AGAP3: variants seen among roughly 807,000 people sequenced by gnomAD.
The protein encoded by AGAP3 is arf-GAP with GTPase, ANK repeat and PH domain-containing protein 3.
AGAP3 carries 24 observed loss-of-function variants against 96.9 expected under a neutral mutation model. The observed-to-expected ratio is 0.25, with a 90% CI of 0.18 to 0.35. The LOEUF (loss-of-function observed/expected upper bound fraction) is 0.35, where lower values mean the gene tolerates loss of function less well. AGAP3 is among the 10% of genes least tolerant of loss of function. The probability of loss-of-function intolerance (pLI) is 1.00; values close to 1 mark genes in which losing one functional copy is unlikely to be tolerated. For missense variants in AGAP3, 876 were observed against 1,254.2 expected (o/e 0.70, Z 4.55); for synonymous variants, 563 against 536.1 (o/e 1.05, Z -0.69).
rs752093932 is a variant in AGAP3, at chr7:151,117,151, G to A, written c.447G>A (p.Thr149=). 72 of 1,613,976 alleles carry A rather than the reference G, an allele frequency of 4.5e-5. No individual in the cohort carries two copies. The highest frequency in any genetic ancestry group is 1.5e-4 in the African/African-American group (11 of 74,926). The change falls in exon 3 of 18, where the codon ACG becomes ACA. Residue 149 remains threonine, a synonymous_variant. Transcript: ENST00000397238. ...GKSALVHRYL[T]GTYVQEESPE... ...CAGCCCTGGTGCACCGCTATCTGAC[G>A]GGGACCTATGTCCAGGAGGAGTCCC...
intron 11 of AGAP3, among the ~76,000 whole-genome samples, chr7:151,137,399 C>G (rs1414609722): frequency 6.6e-6 from 1 of 152,244 alleles, no homozygotes; most frequent in Non-Finnish European, 1.5e-5. Context: ...GTTGGGTGGA[C>G]TGAAGAAGGG....
At position 151,141,891 on chromosome 7, in the gene AGAP3, C is replaced by T. The variant is rs745660316; in HGVS notation, c.1805-7C>T. ...GAGCCCTGATGGCATAAACACCCCC[C>T]CAACAGAGGCAGAGGAGTCGTTTGA... On this transcript the variant is annotated splice_polypyrimidine_tract_variant and splice_region_variant and intron_variant, in intron 13 of 17. Coordinates refer to ENST00000397238, the MANE Select transcript of AGAP3 (RefSeq NM_031946.7). This position sits in a 1 kb window ranked among gnomAD's most constrained non-coding sequence, Gnocchi z 4.2. 2 of 1,614,144 alleles carry T rather than the reference C, an allele frequency of 1.2e-6. No homozygotes were observed. The highest frequency in any genetic ancestry group is 1.7e-6 in the Non-Finnish European group (2 of 1,180,008).
At chr7:151,092,455 G>T (rs967324769) in intron 1 of AGAP3, among the ~76,000 whole-genome samples, 1 of 152,200 alleles carries the variant, frequency 6.6e-6, no homozygotes, top group Non-Finnish European at 1.5e-5. Flanking sequence ...ACCATTGCAG[G>T]CCAAGTGGTA....
At position 151,139,823 on chromosome 7, in the gene AGAP3, G is replaced by A. The variant is rs1365623115; in HGVS notation, c.1667-156G>A. 1.6e-6 allele frequency: 1 copy of A among 636,966 alleles called. No homozygotes were observed. The highest frequency in any genetic ancestry group is 1.9e-5 in the African/African-American group (1 of 52,448). The allele number at this position is 636,966 out of a possible 1,614,324, so 39.5% of individuals were successfully genotyped here. On this transcript the variant is annotated intron_variant, in intron 12 of 17. Coordinates refer to ENST00000397238, the MANE Select transcript of AGAP3 (RefSeq NM_031946.7). This position sits in a 1 kb window ranked among gnomAD's most constrained non-coding sequence, Gnocchi z 4.9. ...GGGAGCTTTGGGACTGGGAAGCCCA[G>A]GCAGACCTCGCCTAGAGAGAGGTGT... is the stretch of plus-strand genomic sequence containing the variant.
Position 151,128,630 on chromosome 7 carries a change from G to A in AGAP3, c.1272G>A (p.Lys424=). ...AGTCCCTGAACAAGGAGTGGAAGAAGAAGTATGTGACGCTCTGTGACAACG... is the reference window on the plus strand; with the variant it reads ...AGTCCCTGAACAAGGAGTGGAAGAAAAAGTATGTGACGCTCTGTGACAACG... ...SGKSLNKEWK[K]KYVTLCDNGL... The change falls in exon 10 of 18, where the codon AAG becomes AAA. Residue 424 remains lysine (K), a synonymous_variant. Transcript: ENST00000397238. The A allele has an allele frequency of 6.2e-7, 1 of 1,613,862 alleles. No homozygotes were observed. The highest frequency in any genetic ancestry group is 2.2e-5 in the East Asian group (1 of 44,866).
intron 12 of AGAP3, 74 bp downstream of exon 12, chr7:151,138,387 T>A: frequency 6.8e-7 from 1 of 1,478,050 alleles, no homozygotes; most frequent in South Asian, 1.3e-5. Flanking sequence ...TGGGCAGCAT[T>A]CTTGGCTTGG....
chr7:151,141,725 A>T lies in AGAP3; in HGVS notation c.1805-173A>T. The T allele has an allele frequency of 2.8e-6, 2 of 717,928 alleles. No homozygotes were observed. The highest frequency in any genetic ancestry group is 2.3e-6 in the Non-Finnish European group (1 of 426,294). 44.5% of individuals were successfully genotyped at this position (717,928 alleles called of 1,614,324 possible). On this transcript the variant is annotated intron_variant, in intron 13 of 17. Coordinates refer to ENST00000397238, the MANE Select transcript of AGAP3 (RefSeq NM_031946.7). The surrounding 1 kb of genome is among the most constrained non-coding windows in gnomAD (Gnocchi z 4.2). ...GAGCTCACACTAGTCTTGCAGGTTTACTCTGGCCTCCCCCTGCAAGCTGTC... is the reference window on the plus strand; with the variant it reads ...GAGCTCACACTAGTCTTGCAGGTTTTCTCTGGCCTCCCCCTGCAAGCTGTC...
chr7:151,096,780 C>G lies in AGAP3; in HGVS notation c.331+9708C>G, dbSNP rs1429406816. ...AGCCACTGCGCCTGGCCTAAATTTT[C>G]TTTTCTTTTCTTTAACGAGACAGAG... On this transcript the variant is annotated intron_variant, in intron 1 of 17. Transcript: ENST00000397238. This position sits in a 1 kb window ranked among gnomAD's most constrained non-coding sequence, Gnocchi z 4.4. Among the ~76,000 whole-genome samples the G allele has an allele frequency of 6.7e-6, 1 of 148,674 alleles. No homozygotes were observed. Among genetic ancestry groups the G allele is most frequent in the Non-Finnish European group, 1.5e-5 (1 of 67,000 alleles).
chr7:151,101,530 G>T (rs1377878806), intron 1 of AGAP3, among the ~76,000 whole-genome samples: 2 of 152,174 alleles, frequency 1.3e-5, no homozygotes, highest in African/African-American at 2.4e-5. Flanking sequence ...GCCCTCGAGG[G>T]GTGGAAGCCA....
intron 9 of AGAP3, among the ~76,000 whole-genome samples, chr7:151,127,952 C>T (rs1800245488): frequency 6.6e-6 from 1 of 152,218 alleles, no homozygotes; most frequent in Non-Finnish European, 1.5e-5. Flanking sequence ...TTCGCTCATT[C>T]TTCTAGCCAT....
upstream of AGAP3, chr7:151,085,947 C>T (rs1798127950): frequency 6.6e-6 from 1 of 152,364 alleles, no homozygotes; most frequent in Admixed American, 6.5e-5. Flanking sequence ...GCAGGGTGGT[C>T]TCTAGGGCTG....
At chr7:151,115,088 C>A in intron 1 of AGAP3, 1 of 1,028,982 alleles carries the variant, frequency 9.7e-7, no homozygotes, top group South Asian at 3.4e-5. Context: ...CGTCCAGCCC[C>A]GCGCCGACCC....
At chr7:151,101,496 G>A (rs1399723079) in intron 1 of AGAP3, among the ~76,000 whole-genome samples, 4 of 152,210 alleles carry the variant, frequency 2.6e-5, no homozygotes, top group African/African-American at 9.6e-5. Context: ...AGGTGGCTGG[G>A]AAGAGGCTGG....
At chr7:151,134,026 G>T (rs563013953) in intron 10 of AGAP3, among the ~76,000 whole-genome samples, 1 of 152,144 alleles carries the variant, frequency 6.6e-6, no homozygotes, top group Middle Eastern at 3.2e-3. Flanking sequence ...CCATGTCCCC[G>T]AGTGTCTCCG....
Position 151,143,023 on chromosome 7 carries a change from G to C in AGAP3, c.2274-318G>C, listed in dbSNP as rs1353739276. On this transcript the variant is annotated intron_variant, in intron 16 of 17. Coordinates refer to ENST00000397238, the MANE Select transcript of AGAP3 (RefSeq NM_031946.7). The surrounding 1 kb of genome is among the most constrained non-coding windows in gnomAD (Gnocchi z 5.9). The stretch of plus-strand genomic sequence containing the variant: ...ACTGCCAATCCAAGAGAGTTCAGAC[G>C]GCCAGATAAGCTGCAACACGGGCCT... Among the ~76,000 whole-genome samples, 1 of 152,092 alleles carries C rather than the reference G, an allele frequency of 6.6e-6. No homozygotes were observed. Among genetic ancestry groups the C allele is most frequent in the African/African-American group, 2.4e-5 (1 of 41,400 alleles).
At chr7:151,112,863 A>G (rs752561656) in intron 1 of AGAP3, among the ~76,000 whole-genome samples, 17 of 151,902 alleles carry the variant, frequency 1.1e-4, no homozygotes, top group Admixed American at 6.6e-4. Flanking sequence ...CGGCCTCCCA[A>G]AGCGCTGGGA....
intron 1 of AGAP3, among the ~76,000 whole-genome samples, chr7:151,106,861 A>C (rs1053386300): frequency 6.6e-6 from 1 of 152,146 alleles, no homozygotes; most frequent in Non-Finnish European, 1.5e-5. Flanking sequence ...AAATCGCTGC[A>C]CTGTTACCTG....
intron 10 of AGAP3, among the ~76,000 whole-genome samples, chr7:151,132,188 G>T (rs781067000): frequency 6.6e-6 from 1 of 152,184 alleles, no homozygotes; most frequent in Admixed American, 6.5e-5. Context: ...GGGCTCCTGG[G>T]TCTGCTTCCT....
At chr7:151,134,929 G>A (rs556615235) in intron 11 of AGAP3, among the ~76,000 whole-genome samples, 32 of 152,320 alleles carry the variant, frequency 2.1e-4, no homozygotes, top group African/African-American at 7.5e-4. Context: ...GGCATATGGA[G>A]ATAGGGGAGG....
Sources: gnomAD v4.1 joint callset for allele counts (sites outside exome capture counted in the v4.1 genomes callset) on GRCh38, gnomAD v4.1.1 for gene constraint, Gnocchi (gnomAD v3.1) non-coding constraint, MANE v1.5 for transcripts, NCBI Gene and HGNC (gene_info 2026-07-23, HGNC 2026-07-21) for gene names.